The following ARPP19 variants were observed in gnomAD, a reference collection of about 807,000 sequenced individuals.
ARPP19 encodes cAMP-regulated phosphoprotein 19.
ARPP19 carries 8 observed loss-of-function variants against 12.0 expected under a neutral mutation model. The observed-to-expected ratio is 0.67, with a 90% CI of 0.39 to 1.21. ARPP19 has a LOEUF of 1.21. ARPP19 is among the 50% of genes most tolerant of loss of function. The probability of loss-of-function intolerance (pLI) is 0.01; values close to 1 mark genes in which losing one functional copy is unlikely to be tolerated. For missense variants in ARPP19, 102 were observed against 136.3 expected (o/e 0.75, Z 1.25); for synonymous variants, 47 against 50.4 (o/e 0.93, Z 0.29).
rs1394107629 is a variant in ARPP19, at chr15:52,559,790, T to C, written c.46-2568A>G. Among the ~76,000 whole-genome samples, 4 of 152,306 alleles carry C rather than the reference T, an allele frequency of 2.6e-5. No homozygotes were observed. The South Asian group carries it at 8.3e-4, about 32-fold the overall frequency. On this transcript the variant is annotated intron_variant, in intron 1 of 2. Transcript: ENST00000249822. ...TACTGCAGCCCAAGGGTGTTCTCAGTGCTGCAGTTTAGAAGTGGATGTGGG... is the reference window on the plus strand; with the variant it reads ...TACTGCAGCCCAAGGGTGTTCTCAGCGCTGCAGTTTAGAAGTGGATGTGGG...
intron 2 of ARPP19, among the ~76,000 whole-genome samples, chr15:52,555,034 A>C (rs957188162): frequency 2.0e-5 from 3 of 152,044 alleles, no homozygotes; most frequent in Admixed American, 1.3e-4. Flanking sequence ...TAAAACCCAG[A>C]ACCTGTGATC....
At position 52,547,778 on chromosome 15, in the gene ARPP19, T is replaced by G. The variant is rs1006153797; in HGVS notation, c.*4156A>C. 11 of 152,178 alleles carry G rather than the reference T, an allele frequency of 7.2e-5. No individual in the cohort carries two copies. Among genetic ancestry groups the G allele is most frequent in the African/African-American group, 2.7e-4 (11 of 41,428 alleles). 9.4% of individuals were successfully genotyped at this position (152,178 alleles called of 1,614,324 possible). A position where few individuals can be genotyped will look rare whatever the true frequency, so the allele number is the denominator to read the frequency against. Reference sequence around the variant, plus strand: ...GTGGCTCAAATTAGTCAATATTGATTAGGATATTGTTTTAGAAAATTTTAA... The same window carrying G: ...GTGGCTCAAATTAGTCAATATTGATGAGGATATTGTTTTAGAAAATTTTAA... On this transcript the variant is annotated 3_prime_UTR_variant, in exon 3 of 3. Coordinates refer to ENST00000249822, the MANE Select transcript of ARPP19 (RefSeq NM_006628.6).
intron 1 of ARPP19, among the ~76,000 whole-genome samples, chr15:52,565,882 T>C (rs772653653): frequency 6.6e-5 from 10 of 152,222 alleles, no homozygotes; most frequent in Non-Finnish European, 1.3e-4. Context: ...TGAGATGCAG[T>C]CTCACTCTGT....
At chr15:52,561,775 T>A (rs1396812966) in intron 1 of ARPP19, among the ~76,000 whole-genome samples, 1 of 148,322 alleles carries the variant, frequency 6.7e-6, no homozygotes, top group African/African-American at 2.5e-5. Flanking sequence ...AGTGGCTGGA[T>A]TAAGGAAAAA....
At chr15:52,569,282 C>A (rs1341046274), upstream of ARPP19, 15 of 274,366 alleles carry the variant, frequency 5.5e-5, no homozygotes, top group East Asian at 1.7e-3. Flanking sequence ...CCACTCTGGT[C>A]CCCTCGTTCT....
rs757200705 is a variant in ARPP19 at position 52,557,134 on chromosome 15, C to A, written c.134G>T (p.Gly45Val). 4 of 1,612,340 alleles carry A rather than the reference C, an allele frequency of 2.5e-6. No homozygotes were observed. Among genetic ancestry groups the A allele is most frequent in the Non-Finnish European group, 3.4e-6 (4 of 1,179,858 alleles). The change falls in exon 2 of 3, where the codon GGT (glycine) becomes GTT (valine). Residue 45 changes from glycine to valine, a missense_variant. Coordinates refer to ENST00000249822, the MANE Select transcript of ARPP19 (RefSeq NM_006628.6). Reference sequence around the variant, plus strand: ...CAACCGTTTCCTTAAGAAATCTGAACCTCCAGGCTTTTGTCCCAGATGAGG... The same window carrying A: ...CAACCGTTTCCTTAAGAAATCTGAAACTCCAGGCTTTTGTCCCAGATGAGG... Reference protein sequence around the residue: ...RYPHLGQKPGGSDFLRKRLQK... With the variant: ...RYPHLGQKPGVSDFLRKRLQK...
intron 1 of ARPP19, chr15:52,568,630 C>G (rs2078108987): frequency 1.3e-5 from 6 of 465,884 alleles, no homozygotes; most frequent in Non-Finnish European, 2.2e-5. Flanking sequence ...GGAGGTGTTA[C>G]AAAAGGCACG....
chr15:52,547,833 C>A lies in ARPP19; in HGVS notation c.*4101G>T, dbSNP rs186764558. 1.3e-5 allele frequency: 2 copies of A among 151,994 alleles called. No homozygotes were observed. The highest frequency in any genetic ancestry group is 4.8e-5 in the African/African-American group (2 of 41,374). The allele number at this position is 151,994 out of a possible 1,614,324, so 9.4% of individuals were successfully genotyped here. ...GTCCTAAATTGTGGCATATTGAAAA[C>A]GATATTAAGGAACAATGACTCATTA... On this transcript the variant is annotated 3_prime_UTR_variant, in exon 3 of 3. Coordinates refer to ENST00000249822, the MANE Select transcript of ARPP19 (RefSeq NM_006628.6).
At position 52,568,976 on chromosome 15, in the gene ARPP19, C is replaced by G. The variant is rs971753569; in HGVS notation, c.-84G>C. On this transcript the variant is annotated 5_prime_UTR_variant, in exon 1 of 3. Transcript: ENST00000249822. ...CACCCGGCCGCCGCCCGTCCCAGCT[C>G]TCCCAGGGCCCGCCGGGCCGCCTCC... The G allele has an allele frequency of 1.9e-6, 2 of 1,027,800 alleles. No individual in the cohort carries two copies. Among genetic ancestry groups the G allele is most frequent in the Admixed American group, 6.4e-5 (2 of 31,380 alleles). 63.7% of individuals were successfully genotyped at this position (1,027,800 alleles called of 1,614,324 possible). A position where few individuals can be genotyped will look rare whatever the true frequency, so the allele number is the denominator to read the frequency against.
chr15:52,549,597 G>A lies in ARPP19; in HGVS notation c.*2337C>T, dbSNP rs551974835. ...TCACAGATCCTCAATACATTTTGAG[G>A]TAGGTCAAATATTAATTATGTATTT... On this transcript the variant is annotated 3_prime_UTR_variant, in exon 3 of 3. Transcript: ENST00000249822. 3.9e-5 allele frequency: 6 copies of A among 152,636 alleles called. No individual in the cohort carries two copies. The highest frequency in any genetic ancestry group is 3.3e-4 in the Admixed American group (5 of 15,294). The allele number at this position is 152,636 out of a possible 1,614,324, so 9.5% of individuals were successfully genotyped here.
At chr15:52,553,976 C>G (rs994232609) in intron 2 of ARPP19, among the ~76,000 whole-genome samples, 11 of 152,236 alleles carry the variant, frequency 7.2e-5, no homozygotes, top group African/African-American at 2.7e-4. Flanking sequence ...CCATCTAAAG[C>G]TTTCTGCAGC....
intron 1 of ARPP19, among the ~76,000 whole-genome samples, chr15:52,563,488 G>A (rs1342785485): frequency 6.6e-6 from 1 of 152,152 alleles, no homozygotes; most frequent in African/African-American, 2.4e-5. Flanking sequence ...AATAGTTATT[G>A]TCTCGGCATG....
rs1293878566 is a variant in ARPP19, at chr15:52,551,019, G to A, written c.*915C>T. The A allele has an allele frequency of 6.6e-6, 1 of 152,652 alleles. No individual in the cohort carries two copies. The highest frequency in any genetic ancestry group is 1.5e-5 in the Non-Finnish European group (1 of 68,044). The allele number at this position is 152,652 out of a possible 1,614,324, so 9.5% of individuals were successfully genotyped here. A position where few individuals can be genotyped will look rare whatever the true frequency, so the allele number is the denominator to read the frequency against. ...AACAAATGAAAAGCTTAAGTCTATG[G>A]CAGATTGAACTAAGATTTCAGTTTG... is the stretch of plus-strand genomic sequence containing the variant. On this transcript the variant is annotated 3_prime_UTR_variant, in exon 3 of 3. Coordinates refer to ENST00000249822, the MANE Select transcript of ARPP19 (RefSeq NM_006628.6).
intron 1 of ARPP19, among the ~76,000 whole-genome samples, chr15:52,563,438 A>AAAAAAC (rs1161260525): frequency 6.6e-5 from 10 of 152,184 alleles, no homozygotes; most frequent in African/African-American, 1.9e-4. Context: ...GTATGTATCC[A>AAAAAAC]AAAAACAAAA....
At chr15:52,561,486 AC>A (rs1404195156) in intron 1 of ARPP19, among the ~76,000 whole-genome samples, 1 of 152,190 alleles carries the variant, frequency 6.6e-6, no homozygotes, top group Non-Finnish European at 1.5e-5. Flanking sequence ...CTATAACAGT[AC>A]CATATTTTTA....
At position 52,551,056 on chromosome 15, in the gene ARPP19, G is replaced by C. The variant is rs185959923; in HGVS notation, c.*878C>G. ...AAGATTTCAGTTTGGTATTCTATAAGCCCGAGATTGTAAACTACTCTTATT... is the reference window on the plus strand; with the variant it reads ...AAGATTTCAGTTTGGTATTCTATAACCCCGAGATTGTAAACTACTCTTATT... On this transcript the variant is annotated 3_prime_UTR_variant, in exon 3 of 3. Transcript: ENST00000249822. The C allele has an allele frequency of 4.6e-5, 7 of 152,758 alleles. No individual in the cohort carries two copies. In the East Asian group the frequency reaches 1.3e-3, roughly 29 times the overall value. 9.5% of individuals were successfully genotyped at this position (152,758 alleles called of 1,614,324 possible).
At chr15:52,556,999 G>T in intron 2 of ARPP19, 101 bp downstream of exon 2, 1 of 1,302,356 alleles carries the variant, frequency 7.7e-7, no homozygotes, top group Admixed American at 2.1e-5. Context: ...GTACATACCT[G>T]ATAAAGTACA....
chr15:52,558,037 C>G (rs1485289382), intron 1 of ARPP19, among the ~76,000 whole-genome samples: 1 of 152,206 alleles, frequency 6.6e-6, no homozygotes, highest in East Asian at 1.9e-4. Flanking sequence ...ACAGAACTAT[C>G]AATTCTTCCA....
rs2077919719 is a variant in ARPP19, at chr15:52,550,540, G to A, written c.*1394C>T. ...AAAGGATCAAGAATAGTTAACTTGA[G>A]CCTAGGAGTAAGGTTGCAGTGAGCT... On this transcript the variant is annotated 3_prime_UTR_variant, in exon 3 of 3. Transcript: ENST00000249822. 6.6e-6 allele frequency: 1 copy of A among 152,088 alleles called. No individual in the cohort carries two copies. The highest frequency in any genetic ancestry group is 2.1e-4 in the South Asian group (1 of 4,830). 9.4% of individuals were successfully genotyped at this position (152,088 alleles called of 1,614,324 possible). A position where few individuals can be genotyped will look rare whatever the true frequency, so the allele number is the denominator to read the frequency against.
Sources: gnomAD v4.1 joint callset for allele counts (sites outside exome capture counted in the v4.1 genomes callset) on GRCh38, gnomAD v4.1.1 for gene constraint, MANE v1.5 for transcripts, NCBI Gene and HGNC (gene_info 2026-07-23, HGNC 2026-07-21) for gene names.